GRK5: variants seen among roughly 807,000 people sequenced by gnomAD.
The protein encoded by GRK5 is g protein-coupled receptor kinase GRK5.
Under a neutral mutation model 78.4 loss-of-function variants are expected in GRK5, and 40 were observed. The observed-to-expected ratio is 0.51, with a 90% CI of 0.40 to 0.66. The LOEUF is 0.66. GRK5 is among the 30% of genes least tolerant of loss of function. GRK5 has a pLI of 0.00. For synonymous variants in GRK5, 289 were observed against 296.8 expected (o/e 0.97, Z 0.27); for missense variants, 598 against 759.9 (o/e 0.79, Z 2.50).
intron 13 of GRK5, among the ~76,000 whole-genome samples, chr10:119,451,176 G>A (rs1230811563): frequency 1.4e-5 from 2 of 147,184 alleles, no homozygotes; most frequent in South Asian, 2.2e-4. Flanking sequence ...CACCACTGTC[G>A]GGGCTGCTGC....
At chr10:119,308,354 C>T (rs1256828181) in intron 1 of GRK5, among the ~76,000 whole-genome samples, 2 of 151,630 alleles carry the variant, frequency 1.3e-5, no homozygotes, top group Non-Finnish European at 2.9e-5. Context: ...ATTGTGTGCT[C>T]ATGGTAGAAG....
intron 3 of GRK5, 44 bp from the exon 4 acceptor site, chr10:119,396,651 C>T (rs867743022): frequency 2.7e-6 from 4 of 1,502,670 alleles, no homozygotes; most frequent in Non-Finnish European, 3.7e-6. Context: ...ATAAGAAGCT[C>T]ATGAGCAAAC....
In GRK5 at chr10:119,454,952, C is replaced by T; in HGVS notation, c.1675-17C>T. 2.5e-6 allele frequency: 4 copies of T among 1,582,924 alleles called. No homozygotes were observed. Among genetic ancestry groups the T allele is most frequent in the Non-Finnish European group, 3.5e-6 (4 of 1,152,560 alleles). On this transcript the variant is annotated splice_polypyrimidine_tract_variant and intron_variant, in intron 15 of 15. Transcript: ENST00000392870. ...CTTCTGTTCTCTCCACCCCGTCTCCCCCAACCCCAACCCCAGCATCAGAAC... is the reference window on the plus strand; with the variant it reads ...CTTCTGTTCTCTCCACCCCGTCTCCTCCAACCCCAACCCCAGCATCAGAAC...
At chr10:119,222,329 CG>C (rs1316223406) in intron 1 of GRK5, among the ~76,000 whole-genome samples, 2 of 151,912 alleles carry the variant, frequency 1.3e-5, no homozygotes, top group Non-Finnish European at 2.9e-5. Context: ...TGTATCAGGT[CG>C]GGGGGCAGAA....
chr10:119,277,179 G>C (rs1215714148), intron 1 of GRK5, among the ~76,000 whole-genome samples: 1 of 152,132 alleles, frequency 6.6e-6, no homozygotes, highest in African/African-American at 2.4e-5. Flanking sequence ...GCTGGGTGCT[G>C]CCGCACCTTG....
In GRK5 at chr10:119,275,611, T is replaced by TCTCTCTCTCTCG. The variant is rs574879389; in HGVS notation, c.53-50904_53-50903insTCTCTCTCTCGC. The stretch of plus-strand genomic sequence containing the variant: ...CGCTCTCTCTCTCTCTCTCTCTCTC[T>TCTCTCTCTCTCG]CGCACACACACACACACACACACAC... On this transcript the variant is annotated intron_variant, in intron 1 of 15. Coordinates refer to ENST00000392870, the MANE Select transcript of GRK5 (RefSeq NM_005308.3). Among the ~76,000 whole-genome samples the TCTCTCTCTCTCG allele has an allele frequency of 3.3e-3, 405 of 123,938 alleles. 1 individual carries two copies. Among genetic ancestry groups the TCTCTCTCTCTCG allele is most frequent in the East Asian group, 0.019 (90 of 4,724 alleles). The allele number at this position is 123,938 out of a possible 152,430, so 81.3% of individuals were successfully genotyped here.
chr10:119,275,942 A>G (rs1787164102), intron 1 of GRK5, among the ~76,000 whole-genome samples: 2 of 152,116 alleles, frequency 1.3e-5, no homozygotes, highest in Admixed American at 1.3e-4. Flanking sequence ...CCGATTTTCC[A>G]TAGCTGTGCT....
chr10:119,430,038 C>T lies in GRK5; in HGVS notation c.534-337C>T, dbSNP rs1169539059. ...AGGCACAGCTTCCTTCTGAGTTTCG[C>T]CGCATGATTTGCAGAGAGAGGAGAA... On this transcript the variant is annotated intron_variant, in intron 6 of 15. Coordinates refer to ENST00000392870, the MANE Select transcript of GRK5 (RefSeq NM_005308.3). The surrounding 1 kb of genome is among the most constrained non-coding windows in gnomAD (Gnocchi z 4.5). Among the ~76,000 whole-genome samples, 5 of 152,162 alleles carry T rather than the reference C, an allele frequency of 3.3e-5. No homozygotes were observed. The East Asian group carries it at 9.6e-4, about 29-fold the overall frequency.
chr10:119,360,476 A>C (rs1015892142), intron 2 of GRK5, among the ~76,000 whole-genome samples: 2 of 129,016 alleles, frequency 1.6e-5, no homozygotes, highest in East Asian at 2.3e-4. Flanking sequence ...AGTCTGTGTG[A>C]GTGGGAGGAG....
intron 1 of GRK5, among the ~76,000 whole-genome samples, chr10:119,211,992 TGTGAAGGCATAC>T (rs1302251997): frequency 6.6e-6 from 1 of 152,232 alleles, no homozygotes; most frequent in Non-Finnish European, 1.5e-5. Flanking sequence ...CTTATGGCTA[TGTGAAGGCATAC>T]GTGGAGGCAT....
chr10:119,307,280 A>C (rs112893610), intron 1 of GRK5, among the ~76,000 whole-genome samples: 4 of 152,088 alleles, frequency 2.6e-5, no homozygotes, highest in Non-Finnish European at 4.4e-5. Context: ...TAATCACTGC[A>C]TGATTAAGGC....
At chr10:119,400,930 CAG>C (rs375064011) in intron 4 of GRK5, among the ~76,000 whole-genome samples, 262 of 152,288 alleles carry the variant, frequency 1.7e-3, no homozygotes, top group African/African-American at 6.1e-3. Flanking sequence ...CCAGGAAAGA[CAG>C]AGCACAGGAT....
chr10:119,278,659 C>T (rs1849706755), intron 1 of GRK5, among the ~76,000 whole-genome samples: 1 of 152,134 alleles, frequency 6.6e-6, no homozygotes, highest in Non-Finnish European at 1.5e-5. Flanking sequence ...ATCACTCATT[C>T]ATTGCCCCTT....
chr10:119,375,821 T>C (rs943844538), intron 2 of GRK5, among the ~76,000 whole-genome samples: 5 of 152,164 alleles, frequency 3.3e-5, no homozygotes, highest in African/African-American at 1.2e-4. Context: ...GCCAGTTCAG[T>C]CCAGCTGCTC....
chr10:119,307,539 T>C (rs1464743046), intron 1 of GRK5, among the ~76,000 whole-genome samples: 1 of 152,096 alleles, frequency 6.6e-6, no homozygotes, highest in Non-Finnish European at 1.5e-5. Flanking sequence ...GGAAGGGCCA[T>C]GAATTGAGCC....
chr10:119,398,569 T>C (rs1361714666), intron 4 of GRK5, among the ~76,000 whole-genome samples: 1 of 152,194 alleles, frequency 6.6e-6, no homozygotes, highest in Non-Finnish European at 1.5e-5. Flanking sequence ...CCCATAGGGC[T>C]ACCCAGTCAC....
chr10:119,266,676 C>T (rs1356660899), intron 1 of GRK5, among the ~76,000 whole-genome samples: 1 of 132,620 alleles, frequency 7.5e-6, no homozygotes, highest in African/African-American at 2.9e-5. Context: ...TTCATGGAGT[C>T]AAGGAGGCTT....
intron 4 of GRK5, among the ~76,000 whole-genome samples, chr10:119,401,505 C>T (rs980937277): frequency 6.6e-6 from 1 of 152,170 alleles, no homozygotes; most frequent in Non-Finnish European, 1.5e-5. Context: ...GTCAGGTAGA[C>T]CTGGGTTCAA....
chr10:119,329,669 G>A (rs1476399551), intron 2 of GRK5, among the ~76,000 whole-genome samples: 5 of 152,050 alleles, frequency 3.3e-5, no homozygotes, highest in African/African-American at 1.2e-4. Flanking sequence ...GGCAGAGGTT[G>A]CAGTGAGCCA....
Sources: gnomAD v4.1 joint callset for allele counts (sites outside exome capture counted in the v4.1 genomes callset) on GRCh38, gnomAD v4.1.1 for gene constraint, Gnocchi (gnomAD v3.1) non-coding constraint, MANE v1.5 for transcripts, NCBI Gene and HGNC (gene_info 2026-07-23, HGNC 2026-07-21) for gene names.